The following TGOLN2 variants were observed in gnomAD, a reference collection of about 807,000 sequenced individuals.
TGOLN2 encodes the protein trans-golgi network protein 2.
In TGOLN2, 19 loss-of-function variants were observed where a neutral mutation model predicts 31.3. The ratio of observed to expected loss-of-function variants is 0.61; its 90% CI spans 0.42 to 0.89. The LOEUF (loss-of-function observed/expected upper bound fraction) is 0.89. TGOLN2 is among the 40% of genes least tolerant of loss of function. The pLI is 0.00. For synonymous variants in TGOLN2, 222 were observed against 226.7 expected, an observed-to-expected ratio of 0.98 and a Z score of 0.19; for missense variants, 540 against 559.2, an observed-to-expected ratio of 0.97 and a Z score of 0.35.
In TGOLN2 at chr2:85,318,379, C is replaced by G. The variant is rs1278422985; in HGVS notation, c.*4357G>C. 3 of 152,148 alleles carry G rather than the reference C, an allele frequency of 2.0e-5. No individual in the cohort carries two copies. Among genetic ancestry groups the G allele is most frequent in the Non-Finnish European group, 4.4e-5 (3 of 68,048 alleles). The allele number at this position is 152,148 out of a possible 1,614,324, so 9.4% of individuals were successfully genotyped here. On this transcript the variant is annotated 3_prime_UTR_variant, in exon 4 of 4. Transcript: ENST00000377386. ...GTTTGACATACTATACAGCTCAGAC[C>G]CAAACCCTTCACAGAGAGACTCTAA... is the stretch of plus-strand genomic sequence containing the variant.
Position 85,326,492 on chromosome 2 carries a change from G to A in TGOLN2, c.1224+16C>T. ...TGGAAACCCCACTCCCCTCCGGAAG[G>A]CCGCTGTCGACTTACCTTCCGCTTG... is the stretch of plus-strand genomic sequence containing the variant. On this transcript the variant is annotated intron_variant, in intron 2 of 3. Transcript: ENST00000377386. 1.2e-6 allele frequency: 2 copies of A among 1,606,528 alleles called. No individual in the cohort carries two copies. Among genetic ancestry groups the A allele is most frequent in the Non-Finnish European group, 1.7e-6 (2 of 1,174,346 alleles).
rs563486344 is a variant in TGOLN2, at chr2:85,322,367, A to C, written c.*369T>G. ...CCGGGCCCCAGGGAGGGTGGTCAGC[A>C]GCGCAGCCTGCCCAGGCTGGGATCT... On this transcript the variant is annotated 3_prime_UTR_variant, in exon 4 of 4. Coordinates refer to ENST00000377386, the MANE Select transcript of TGOLN2 (RefSeq NM_006464.4). 7.3e-4 allele frequency: 250 copies of C among 343,120 alleles called. 1 individual carries two copies. The highest frequency in any genetic ancestry group is 4.9e-3 in the African/African-American group (223 of 45,066). 21.3% of individuals were successfully genotyped at this position (343,120 alleles called of 1,614,324 possible).
chr2:85,322,054 CAAG>C lies in TGOLN2; in HGVS notation c.*679_*681del, dbSNP rs772239780. On this transcript the variant is annotated 3_prime_UTR_variant, in exon 4 of 4. Transcript: ENST00000377386. ...AAGCTACATAAAATAATCAGAAAAT[CAAG>C]AAGATCTCATGCTAGACAGGTTAGA... 1 of 152,248 alleles carries C rather than the reference CAAG, an allele frequency of 6.6e-6. No homozygotes were observed. Among genetic ancestry groups the C allele is most frequent in the East Asian group, 1.9e-4 (1 of 5,202 alleles). 9.4% of individuals were successfully genotyped at this position (152,248 alleles called of 1,614,324 possible).
At chr2:85,325,311 T>C (rs562389888) in intron 2 of TGOLN2, among the ~76,000 whole-genome samples, 4 of 152,166 alleles carry the variant, frequency 2.6e-5, no homozygotes, top group African/African-American at 9.7e-5. Context: ...TTCCTAGAGA[T>C]ATCTAGGATA....
At chr2:85,325,131 G>A (rs1682687235) in intron 2 of TGOLN2, 133 bp from the exon 3 acceptor site, 2 of 762,156 alleles carry the variant, frequency 2.6e-6, no homozygotes, top group African/African-American at 1.7e-5. Flanking sequence ...TACACTCACA[G>A]AGGTCTATTT....
In TGOLN2 at chr2:85,322,341, C is replaced by G. The variant is rs1026178872; in HGVS notation, c.*395G>C. On this transcript the variant is annotated 3_prime_UTR_variant, in exon 4 of 4. Coordinates refer to ENST00000377386, the MANE Select transcript of TGOLN2 (RefSeq NM_006464.4). ...GTCAAGGACCAACTTTCCTACAGAGCCCGGGCCCCAGGGAGGGTGGTCAGC... is the reference window on the plus strand; with the variant it reads ...GTCAAGGACCAACTTTCCTACAGAGGCCGGGCCCCAGGGAGGGTGGTCAGC... 3.2e-6 allele frequency: 1 copy of G among 311,044 alleles called. No individual in the cohort carries two copies. Among genetic ancestry groups the G allele is most frequent in the African/African-American group, 2.3e-5 (1 of 43,880 alleles). 19.3% of individuals were successfully genotyped at this position (311,044 alleles called of 1,614,324 possible).
intron 1 of TGOLN2, 56 bp downstream of exon 1, chr2:85,327,861 C>A (rs553529644): frequency 6.4e-7 from 1 of 1,570,782 alleles, no homozygotes; most frequent in Non-Finnish European, 8.6e-7. Flanking sequence ...GTGACCTGCC[C>A]AGGTGAGAAT....
At chr2:85,323,969 G>A (rs1558670872) in intron 3 of TGOLN2, among the ~76,000 whole-genome samples, 2 of 152,238 alleles carry the variant, frequency 1.3e-5, no homozygotes, top group Non-Finnish European at 2.9e-5. Context: ...TGGATTGGCT[G>A]TACTCAGGAA....
Position 85,327,691 on chromosome 2 carries a change from A to G in TGOLN2, c.47-6T>C. 1 of 1,609,032 alleles carries G rather than the reference A, an allele frequency of 6.2e-7. No homozygotes were observed. The highest frequency in any genetic ancestry group is 8.5e-7 in the Non-Finnish European group (1 of 1,177,210). On this transcript the variant is annotated splice_polypyrimidine_tract_variant and splice_region_variant and intron_variant, in intron 1 of 3. Coordinates refer to ENST00000377386, the MANE Select transcript of TGOLN2 (RefSeq NM_006464.4). The stretch of plus-strand genomic sequence containing the variant: ...GGCCAAGAGCGGCACGGCTCCTGAA[A>G]TAGAAAAACGAGTTAGCACCGGAGA...
Position 85,327,538 on chromosome 2 carries a change from T to C in TGOLN2, c.194A>G (p.Asp65Gly), listed in dbSNP as rs759427843. 3 of 1,614,068 alleles carry C rather than the reference T, an allele frequency of 1.9e-6. No individual in the cohort carries two copies. Among genetic ancestry groups the C allele is most frequent in the Non-Finnish European group, 2.5e-6 (3 of 1,179,904 alleles). ...KSHPEPQTPK[D>G]SPSKSSAEAQ... ...CTCCGCACTCGACTTGCTAGGGCTG[T>C]CTTTTGGAGTCTGCGGCTCCGGATG... Residue 65 changes from aspartate to glycine, a missense_variant, in exon 2 of 4, where the codon GAC (aspartate) becomes GGC (glycine). Coordinates refer to ENST00000377386, the MANE Select transcript of TGOLN2 (RefSeq NM_006464.4).
Position 85,324,940 on chromosome 2 carries a change from C to G in TGOLN2, c.1283G>C (p.Ser428Thr). ...RSKVTRRPKASDYQRLDQKS is the reference protein window; with the variant it reads ...RSKVTRRPKATDYQRLDQKS The stretch of plus-strand genomic sequence containing the variant: ...CTTCTGGTCCAAACGTTGGTAGTCA[C>G]TGGCCTTTGGCCGCCGGGTGACTTT... The change falls in exon 3 of 4, where the codon AGT becomes ACT. Residue 428 changes from serine (S) to threonine (T), a missense_variant. Ser to Thr is a moderately conservative substitution (Grantham distance 58, BLOSUM62 1). Coordinates refer to ENST00000377386, the MANE Select transcript of TGOLN2 (RefSeq NM_006464.4). The G allele has an allele frequency of 6.4e-7, 1 of 1,555,612 alleles. No individual in the cohort carries two copies. The highest frequency in any genetic ancestry group is 8.7e-7 in the Non-Finnish European group (1 of 1,148,716).
rs1476721029 is a variant in TGOLN2 at position 85,320,053 on chromosome 2, AG to A, written c.*2682del. 6.6e-6 allele frequency: 1 copy of A among 152,524 alleles called. No homozygotes were observed. Among genetic ancestry groups the A allele is most frequent in the Non-Finnish European group, 1.5e-5 (1 of 68,286 alleles). 9.4% of individuals were successfully genotyped at this position (152,524 alleles called of 1,614,324 possible). ...CGGATTGGGGAAGGAGAAAGAAGGA[AG>A]GGAGAGAAACCTAACCAAAGAAACA... is the stretch of plus-strand genomic sequence containing the variant. On this transcript the variant is annotated 3_prime_UTR_variant, in exon 4 of 4. Transcript: ENST00000377386.
In TGOLN2 at chr2:85,326,972, G is replaced by A. The variant is rs377141200; in HGVS notation, c.760C>T (p.Pro254Ser). The A allele has an allele frequency of 6.2e-7, 1 of 1,613,934 alleles. No individual in the cohort carries two copies. The highest frequency in any genetic ancestry group is 8.5e-7 in the Non-Finnish European group (1 of 1,179,828). The change falls in exon 2 of 4, where the codon CCA becomes TCA. Residue 254 changes from proline (P) to serine (S), a missense_variant. Transcript: ENST00000377386. ...TSKDSPNKVVPEQPSRKDHSK... is the reference protein window; with the variant it reads ...TSKDSPNKVVSEQPSRKDHSK... ...TGGTCTTTCCGGGAAGGCTGCTCTG[G>A]AACCACCTTGTTAGGGCTGTCTTTT...
intron 2 of TGOLN2, among the ~76,000 whole-genome samples, chr2:85,325,521 G>A (rs551883339): frequency 7.2e-5 from 11 of 151,848 alleles, no homozygotes; most frequent in South Asian, 4.2e-4. Flanking sequence ...TCTGTCACCC[G>A]GGCTGGAGTG....
At position 85,322,748 on chromosome 2, in the gene TGOLN2, G is replaced by A. The variant is rs986819466; in HGVS notation, c.1309-7C>T. On this transcript the variant is annotated splice_polypyrimidine_tract_variant and splice_region_variant and intron_variant, in intron 3 of 3. Coordinates refer to ENST00000377386, the MANE Select transcript of TGOLN2 (RefSeq NM_006464.4). ...ATATACCATTCTGTTAGGACTTAGG[G>A]GAAAAAAGATCTTTTAGGAGGTGCA... 1.1e-5 allele frequency: 17 copies of A among 1,611,028 alleles called. No individual in the cohort carries two copies. The highest frequency in any genetic ancestry group is 1.4e-5 in the Non-Finnish European group (17 of 1,179,278).
rs941968444 is a variant in TGOLN2, at chr2:85,322,081, G to A, written c.*655C>T. ...AGAAGATCTCATGCTAGACAGGTTAGACTTGCACCCAAAAAAGCATCTTTT... is the reference window on the plus strand; with the variant it reads ...AGAAGATCTCATGCTAGACAGGTTAAACTTGCACCCAAAAAAGCATCTTTT... On this transcript the variant is annotated 3_prime_UTR_variant, in exon 4 of 4. Transcript: ENST00000377386. 1 of 152,980 alleles carries A rather than the reference G, an allele frequency of 6.5e-6. No homozygotes were observed. The highest frequency in any genetic ancestry group is 2.4e-5 in the African/African-American group (1 of 41,454). 9.5% of individuals were successfully genotyped at this position (152,980 alleles called of 1,614,324 possible).
chr2:85,327,867 A>T, intron 1 of TGOLN2, 50 bp downstream of exon 1: 1 of 1,576,540 alleles, frequency 6.3e-7, no homozygotes, highest in Non-Finnish European at 8.6e-7. Context: ...TGCCCAGGTG[A>T]GAATGGGGGA....
chr2:85,327,203 C>A lies in TGOLN2; in HGVS notation c.529G>T (p.Asp177Tyr). 1 of 1,613,692 alleles carries A rather than the reference C, an allele frequency of 6.2e-7. No homozygotes were observed. Among genetic ancestry groups the A allele is most frequent in the Non-Finnish European group, 8.5e-7 (1 of 1,179,832 alleles). ...KSGSEAQTTK[D>Y]VPNKSGADGQ... The stretch of plus-strand genomic sequence containing the variant: ...TCCGCACCCGACTTATTAGGGACAT[C>A]TTTTGTGGTCTGCGCCTCCGAACCT... The change falls in exon 2 of 4, where the codon GAT (aspartate) becomes TAT (tyrosine). Residue 177 changes from aspartate to tyrosine, a missense_variant. Transcript: ENST00000377386.
Position 85,318,840 on chromosome 2 carries a change from TAG to T in TGOLN2, c.*3894_*3895del, listed in dbSNP as rs757924691. The T allele has an allele frequency of 6.6e-6, 1 of 152,208 alleles. No homozygotes were observed. Among genetic ancestry groups the T allele is most frequent in the Non-Finnish European group, 1.5e-5 (1 of 68,052 alleles). The allele number at this position is 152,208 out of a possible 1,614,324, so 9.4% of individuals were successfully genotyped here. A position where few individuals can be genotyped will look rare whatever the true frequency, so the allele number is the denominator to read the frequency against. On this transcript the variant is annotated 3_prime_UTR_variant, in exon 4 of 4. Coordinates refer to ENST00000377386, the MANE Select transcript of TGOLN2 (RefSeq NM_006464.4). The stretch of plus-strand genomic sequence containing the variant: ...CTTCAACTTCCCCTGAGTCCAGAAG[TAG>T]ACTCTTTCAGCAACTCTATTCAGGA...
Sources: allele counts gnomAD v4.1 joint callset (sites outside exome capture counted in the v4.1 genomes callset), GRCh38; gene constraint gnomAD v4.1.1; transcripts MANE v1.5; gene names NCBI Gene and HGNC (gene_info 2026-07-23, HGNC 2026-07-21).